Variants in IMPA1 observed in about 807,000 individuals in gnomAD.
The protein encoded by IMPA1 is inositol monophosphatase 1.
IMPA1 carries 21 observed loss-of-function variants against 34.9 expected under a neutral mutation model. The observed-to-expected ratio is 0.60, with a 90% CI of 0.43 to 0.87. IMPA1 has a LOEUF of 0.87. Ranked by LOEUF, IMPA1 falls within the 40% of genes least tolerant of loss-of-function variation. The probability of loss-of-function intolerance (pLI) is 0.00; values close to 1 mark genes in which losing one functional copy is unlikely to be tolerated. For missense variants in IMPA1, 299 were observed against 336.4 expected, an observed-to-expected ratio of 0.89 and a Z score of 0.87; for synonymous variants, 95 against 104.4, an observed-to-expected ratio of 0.91 and a Z score of 0.55.
intron 8 of IMPA1, 28 bp from the exon 9 acceptor site, chr8:81,659,494 T>G (rs759673501): frequency 1.7e-6 from 2 of 1,195,842 alleles, no homozygotes; most frequent in Non-Finnish European, 2.5e-6. Flanking sequence ...TGAAAAATAA[T>G]TTTATCTGGT....
chr8:81,663,675 A>G (rs1342515214), intron 7 of IMPA1, among the ~76,000 whole-genome samples: 2 of 152,244 alleles, frequency 1.3e-5, no homozygotes, highest in African/African-American at 4.8e-5. Flanking sequence ...GTTGTTATTT[A>G]CATTCACCAG....
At chr8:81,663,900 G>A (rs954502371) in intron 7 of IMPA1, among the ~76,000 whole-genome samples, 8 of 152,034 alleles carry the variant, frequency 5.3e-5, no homozygotes, top group African/African-American at 1.2e-4. Context: ...TTAGCCAGGC[G>A]TGGTGGCGGG....
At chr8:81,681,692 C>T in intron 1 of IMPA1, 108 bp from the exon 2 acceptor site, 2 of 657,324 alleles carry the variant, frequency 3.0e-6, no homozygotes, top group South Asian at 3.7e-5. Flanking sequence ...CACCCCCTGC[C>T]CTAGAGTTTT....
In IMPA1 at chr8:81,686,278, T is replaced by C; in HGVS notation, c.-51A>G. The C allele has an allele frequency of 1.0e-6, 1 of 997,472 alleles. No individual in the cohort carries two copies. Among genetic ancestry groups the C allele is most frequent in the Non-Finnish European group, 1.2e-6 (1 of 837,066 alleles). 61.8% of individuals were successfully genotyped at this position (997,472 alleles called of 1,614,324 possible). A position where few individuals can be genotyped will look rare whatever the true frequency, so the allele number is the denominator to read the frequency against. On this transcript the variant is annotated 5_prime_UTR_variant, in exon 1 of 9. Coordinates refer to ENST00000256108, the MANE Select transcript of IMPA1 (RefSeq NM_005536.4). ...TTGAGTCGGAGGACGTCCGGCTAGC[T>C]CTGTGAACGGTGTTACCGCACTCGT...
chr8:81,669,433 T>C (rs1806927052), intron 7 of IMPA1, among the ~76,000 whole-genome samples: 1 of 152,186 alleles, frequency 6.6e-6, no homozygotes, highest in Non-Finnish European at 1.5e-5. Flanking sequence ...ACCCCCAGTG[T>C]CTCCATGAGG....
At chr8:81,666,131 AAG>A (rs1198818214) in intron 7 of IMPA1, among the ~76,000 whole-genome samples, 1 of 152,234 alleles carries the variant, frequency 6.6e-6, no homozygotes, top group Non-Finnish European at 1.5e-5. Flanking sequence ...AAATGGGATA[AAG>A]AGAGAGAAAA....
At chr8:81,684,607 C>CTACACA (rs1563592612) in intron 1 of IMPA1, among the ~76,000 whole-genome samples, 22 of 14,216 alleles carry the variant, frequency 1.5e-3, no homozygotes, top group Admixed American at 2.2e-3. Context: ...ATATATATAT[C>CTACACA]TAGTATATAT....
intron 1 of IMPA1, among the ~76,000 whole-genome samples, chr8:81,682,507 C>G (rs887339167): frequency 3.9e-5 from 6 of 152,146 alleles, no homozygotes; most frequent in East Asian, 3.8e-4. Context: ...AAGACCCACA[C>G]GCTAAATTTC....
intron 1 of IMPA1, among the ~76,000 whole-genome samples, chr8:81,682,612 C>T (rs994536398): frequency 2.6e-5 from 4 of 152,098 alleles, no homozygotes; most frequent in Non-Finnish European, 4.4e-5. Context: ...CCTTCAAGCT[C>T]TTCAAGAATT....
intron 7 of IMPA1, among the ~76,000 whole-genome samples, chr8:81,669,241 C>A (rs1469257560): frequency 6.6e-6 from 1 of 152,118 alleles, no homozygotes; most frequent in Non-Finnish European, 1.5e-5. Context: ...TAATGCCTAA[C>A]TAGTGGAGCC....
Position 81,657,957 on chromosome 8 carries a change from T to C in IMPA1, c.*1394A>G, listed in dbSNP as rs1191207245. 1 of 152,076 alleles carries C rather than the reference T, an allele frequency of 6.6e-6. No homozygotes were observed. The highest frequency in any genetic ancestry group is 1.5e-5 in the Non-Finnish European group (1 of 68,002). 9.4% of individuals were successfully genotyped at this position (152,076 alleles called of 1,614,324 possible). A position where few individuals can be genotyped will look rare whatever the true frequency, so the allele number is the denominator to read the frequency against. On this transcript the variant is annotated 3_prime_UTR_variant, in exon 9 of 9. Transcript: ENST00000256108. ...ATGGTAATAATAATAAAAATATCAA[T>C]TTAAAGTTTTATTCATGATCGTCTT...
intron 8 of IMPA1, among the ~76,000 whole-genome samples, chr8:81,659,693 A>G (rs1439295592): frequency 6.6e-6 from 1 of 152,206 alleles, no homozygotes; most frequent in African/African-American, 2.4e-5. Context: ...AGAAAATGTC[A>G]TATTTTCTCT....
chr8:81,674,984 A>G (rs1386791085), intron 5 of IMPA1, among the ~76,000 whole-genome samples: 1 of 152,016 alleles, frequency 6.6e-6, no homozygotes, highest in Non-Finnish European at 1.5e-5. Flanking sequence ...GTTCACCCAC[A>G]CCCCAGTATA....
At chr8:81,676,732 A>G (rs999811276) in intron 4 of IMPA1, among the ~76,000 whole-genome samples, 2 of 152,212 alleles carry the variant, frequency 1.3e-5, no homozygotes, top group African/African-American at 4.8e-5. Context: ...CACTCCTCCC[A>G]GCACTAATTT....
intron 5 of IMPA1, among the ~76,000 whole-genome samples, chr8:81,675,513 T>C (rs750606580): frequency 1.3e-5 from 2 of 152,232 alleles, no homozygotes; most frequent in African/African-American, 4.8e-5. Context: ...AAAGCTCATG[T>C]AGCTTCTTCT....
At chr8:81,670,801 G>T (rs1165732068) in intron 7 of IMPA1, 138 bp downstream of exon 7, 2 of 527,396 alleles carry the variant, frequency 3.8e-6, no homozygotes, top group Non-Finnish European at 6.7e-6. Flanking sequence ...TGGTTTCATG[G>T]TTATGGAACA....
chr8:81,669,201 TA>T (rs1327835800), intron 7 of IMPA1, among the ~76,000 whole-genome samples: 1 of 152,012 alleles, frequency 6.6e-6, no homozygotes, highest in Non-Finnish European at 1.5e-5. Flanking sequence ...GCCCAGGAAG[TA>T]AGGCCACCAC....
rs997927711 is a variant in IMPA1, at chr8:81,685,750, G to A, written c.-25+502C>T. 6.0e-6 allele frequency: 9 copies of A among 1,490,924 alleles called. No homozygotes were observed. The African/African-American group carries it at 7.3e-5, about 12-fold the overall frequency. 92.4% of individuals were successfully genotyped at this position (1,490,924 alleles called of 1,614,324 possible). ...GTACATTTATTGATGGGCAGGGTCC[G>A]TAGTTTACTCACTTTCATTTTCCCA... is the stretch of plus-strand genomic sequence containing the variant. On this transcript the variant is annotated intron_variant, in intron 1 of 8. Coordinates refer to ENST00000256108, the MANE Select transcript of IMPA1 (RefSeq NM_005536.4).
chr8:81,676,094 T>C, intron 5 of IMPA1, 140 bp downstream of exon 5: 1 of 408,246 alleles, frequency 2.4e-6, no homozygotes, highest in Non-Finnish European at 4.5e-6. Flanking sequence ...ATTTTAACAG[T>C]CCTGTAGCTT....
Sources: allele counts gnomAD v4.1 joint callset (sites outside exome capture counted in the v4.1 genomes callset), GRCh38; gene constraint gnomAD v4.1.1; transcripts MANE v1.5; gene names NCBI Gene and HGNC (gene_info 2026-07-23, HGNC 2026-07-21).